Variants in AP1S3 observed in about 807,000 individuals in gnomAD.
The protein encoded by AP1S3 is AP-1 complex subunit sigma-3.
Under a neutral mutation model 20.9 loss-of-function variants are expected in AP1S3, and 10 were observed. The ratio of observed to expected loss-of-function variants is 0.48; its 90% CI spans 0.29 to 0.81. The LOEUF (loss-of-function observed/expected upper bound fraction) is 0.81. Ranked by LOEUF, AP1S3 falls within the 30% of genes least tolerant of loss-of-function variation. The pLI is 0.08. For synonymous variants in AP1S3, 41 were observed against 61.5 expected (o/e 0.67, Z 1.56); for missense variants, 154 against 183.8 (o/e 0.84, Z 0.94).
chr2:223,770,531 C>CACACACA (rs3220046), intron 3 of AP1S3, among the ~76,000 whole-genome samples: 13 of 147,254 alleles, frequency 8.8e-5, no homozygotes, highest in Admixed American at 2.0e-4. Flanking sequence ...CACACACACA[C>CACACACA]CCCTTGATAT....
At chr2:223,817,621 A>AAAAAAAAG (rs1553525097) in intron 1 of AP1S3, among the ~76,000 whole-genome samples, 2 of 148,448 alleles carry the variant, frequency 1.3e-5, no homozygotes, top group African/African-American at 5.0e-5. Context: ...AAAAAAAAAA[A>AAAAAAAAG]AAAGAAAAGA....
At chr2:223,767,709 A>G (rs767166882) in intron 3 of AP1S3, among the ~76,000 whole-genome samples, 5 of 151,576 alleles carry the variant, frequency 3.3e-5, no homozygotes, top group African/African-American at 4.8e-5. Flanking sequence ...CTATTCCTCA[A>G]TCCATGTCAC....
At chr2:223,801,792 G>A (rs779591842) in intron 1 of AP1S3, among the ~76,000 whole-genome samples, 10 of 151,990 alleles carry the variant, frequency 6.6e-5, no homozygotes, top group Non-Finnish European at 1.2e-4. Flanking sequence ...TAATACTAAC[G>A]GTTTCTGTGA....
intron 1 of AP1S3, among the ~76,000 whole-genome samples, chr2:223,837,229 CCGCGGCGCCG>C (rs1409985998): frequency 1.3e-5 from 2 of 151,486 alleles, no homozygotes; most frequent in Non-Finnish European, 2.9e-5. Flanking sequence ...AGCCGCGGCG[CCGCGGCGCCG>C]CGTTGCCGCA....
intron 1 of AP1S3, among the ~76,000 whole-genome samples, chr2:223,789,440 A>T (rs1007581870): frequency 2.0e-5 from 3 of 151,994 alleles, no homozygotes; most frequent in African/African-American, 7.3e-5. Context: ...CAGAGGCTGA[A>T]GCAGGAGGAT....
intron 1 of AP1S3, among the ~76,000 whole-genome samples, chr2:223,830,848 T>G (rs1487797714): frequency 6.6e-6 from 1 of 152,198 alleles, no homozygotes; most frequent in Non-Finnish European, 1.5e-5. Flanking sequence ...GAGCCAGGAA[T>G]TTCAGAGCCC....
intron 4 of AP1S3, among the ~76,000 whole-genome samples, chr2:223,759,199 G>A (rs1690293786): frequency 6.6e-6 from 1 of 151,988 alleles, no homozygotes; most frequent in Admixed American, 6.6e-5. Flanking sequence ...AGAATTGCTT[G>A]AACCGGGAGG....
chr2:223,776,151 A>C, intron 2 of AP1S3, 142 bp from the exon 3 acceptor site: 3 of 713,522 alleles, frequency 4.2e-6, no homozygotes, highest in Non-Finnish European at 7.8e-6. Flanking sequence ...ATCACCCCCA[A>C]TAGCCTCCTG....
intron 1 of AP1S3, among the ~76,000 whole-genome samples, chr2:223,792,863 C>G (rs1464588116): frequency 6.6e-6 from 1 of 151,936 alleles, no homozygotes; most frequent in Non-Finnish European, 1.5e-5. Flanking sequence ...GGAACTTAAA[C>G]AAATTTACAA....
intron 1 of AP1S3, among the ~76,000 whole-genome samples, chr2:223,799,791 A>T (rs1052975410): frequency 6.6e-6 from 1 of 152,214 alleles, no homozygotes; most frequent in Non-Finnish European, 1.5e-5. Flanking sequence ...CTTCTCATGA[A>T]CCTAGGTGAA....
intron 1 of AP1S3, among the ~76,000 whole-genome samples, chr2:223,830,809 T>C (rs537895898): frequency 9.8e-4 from 149 of 152,322 alleles, no homozygotes; most frequent in Non-Finnish European, 1.6e-3. Context: ...CCCATCGCAC[T>C]GAAAGACTAA....
chr2:223,794,352 C>CA lies in AP1S3; in HGVS notation c.4-16484dup, dbSNP rs200205179. Among the ~76,000 whole-genome samples, 774 of 150,620 alleles carry CA rather than the reference C, an allele frequency of 5.1e-3. 5 individuals carry two copies. Among genetic ancestry groups the CA allele is most frequent in the African/African-American group, 0.016 (638 of 40,998 alleles). On this transcript the variant is annotated intron_variant, in intron 1 of 4. Transcript: ENST00000396654. Reference sequence around the variant, plus strand: ...TGGGCGACACAGAGAGACTCTGTGTCAAAAAAAACAATAAAATATAAAACA... The same window carrying CA: ...TGGGCGACACAGAGAGACTCTGTGTCAAAAAAAAACAATAAAATATAAAACA...
intron 1 of AP1S3, among the ~76,000 whole-genome samples, chr2:223,822,036 A>G (rs952346210): frequency 6.6e-6 from 1 of 152,120 alleles, no homozygotes; most frequent in African/African-American, 2.4e-5. Context: ...CAGTCCAGCA[A>G]TCCTTCCAAG....
At chr2:223,834,855 A>G (rs1487513177) in intron 1 of AP1S3, among the ~76,000 whole-genome samples, 2 of 152,224 alleles carry the variant, frequency 1.3e-5, no homozygotes, top group Non-Finnish European at 2.9e-5. Context: ...AAAGCAAAAA[A>G]AAAATTAGTG....
chr2:223,812,941 T>A (rs1310138012), intron 1 of AP1S3, among the ~76,000 whole-genome samples: 3 of 152,002 alleles, frequency 2.0e-5, no homozygotes, highest in East Asian at 1.9e-4. Flanking sequence ...GTTTTTTTTT[T>A]AATTTGAGAT....
intron 4 of AP1S3, among the ~76,000 whole-genome samples, 174 bp from the exon 5 acceptor site, chr2:223,758,924 C>T (rs1690286736): frequency 6.6e-6 from 1 of 152,126 alleles, no homozygotes; most frequent in Non-Finnish European, 1.5e-5. Flanking sequence ...AATTTGTATA[C>T]ACATCCATAT....
chr2:223,790,446 G>T lies in AP1S3; in HGVS notation c.4-12577C>A, dbSNP rs565966577. Among the ~76,000 whole-genome samples, 11 of 152,154 alleles carry T rather than the reference G, an allele frequency of 7.2e-5. No homozygotes were observed. The East Asian group carries it at 1.5e-3, about 21-fold the overall frequency. Reference sequence around the variant, plus strand: ...GATGGGGTTTCGCCATGTTAGCCAGGCTGGTCTCAAACTCCTGACCTCAGT... The same window carrying T: ...GATGGGGTTTCGCCATGTTAGCCAGTCTGGTCTCAAACTCCTGACCTCAGT... On this transcript the variant is annotated intron_variant, in intron 1 of 4. Coordinates refer to ENST00000396654, the MANE Select transcript of AP1S3 (RefSeq NM_001039569.2).
intron 1 of AP1S3, among the ~76,000 whole-genome samples, chr2:223,787,364 C>A (rs527348147): frequency 6.6e-6 from 1 of 152,292 alleles, no homozygotes; most frequent in African/African-American, 2.4e-5. Flanking sequence ...TATTTATAGA[C>A]ATCTGCAACA....
intron 1 of AP1S3, among the ~76,000 whole-genome samples, chr2:223,789,830 T>A (rs1691170123): frequency 8.9e-6 from 1 of 112,356 alleles, no homozygotes; most frequent in Non-Finnish European, 1.7e-5. Context: ...AGTACAAGAC[T>A]CTATCAAAAA....
Sources: gnomAD v4.1 joint callset for allele counts (sites outside exome capture counted in the v4.1 genomes callset) on GRCh38, gnomAD v4.1.1 for gene constraint, MANE v1.5 for transcripts, NCBI Gene and HGNC (gene_info 2026-07-23, HGNC 2026-07-21) for gene names.